Variants in PCSK5 observed in about 807,000 individuals in gnomAD.
PCSK5 encodes proprotein convertase subtilisin/kexin type 5.
PCSK5 carries 129 observed loss-of-function variants against 233.2 expected under a neutral mutation model. The observed-to-expected ratio is 0.55, with a 90% CI of 0.48 to 0.64. The LOEUF (loss-of-function observed/expected upper bound fraction) is 0.64, where lower values mean the gene tolerates loss of function less well. Among genes scored for constraint, PCSK5 ranks in the 30% least tolerant of loss-of-function variants. The pLI, the probability that PCSK5 is intolerant of heterozygous loss-of-function variation, is 0.00. For synonymous variants in PCSK5, 825 were observed against 879.2 expected, an observed-to-expected ratio of 0.94 and a Z score of 1.09; for missense variants, 2,076 against 2,430.1, an observed-to-expected ratio of 0.85 and a Z score of 3.06.
chr9:76,051,111 A>G (rs1829615088), intron 5 of PCSK5, among the ~76,000 whole-genome samples: 2 of 152,214 alleles, frequency 1.3e-5, no homozygotes, highest in Non-Finnish European at 2.9e-5. Flanking sequence ...TTCATCATTT[A>G]TCTGTAGTCC....
At chr9:76,007,808 G>GTGTGTGTA (rs1827545456) in intron 3 of PCSK5, among the ~76,000 whole-genome samples, 1 of 146,544 alleles carries the variant, frequency 6.8e-6, no homozygotes, top group Non-Finnish European at 1.5e-5. Context: ...GTGTGTGTGT[G>GTGTGTGTA]TGTGTGTGTG....
chr9:75,946,562 T>G (rs978197843), intron 2 of PCSK5, among the ~76,000 whole-genome samples: 1 of 151,726 alleles, frequency 6.6e-6, no homozygotes, highest in Non-Finnish European at 1.5e-5. Flanking sequence ...TTCCAAACTT[T>G]CTCCTTCTGC....
intron 20 of PCSK5, chr9:76,193,381 T>C: frequency 6.4e-7 from 1 of 1,572,584 alleles, no homozygotes; most frequent in Non-Finnish European, 8.7e-7. Flanking sequence ...TTTGTTCCTG[T>C]AGACTTATAG....
At chr9:76,037,029 C>T (rs1348155681) in intron 5 of PCSK5, among the ~76,000 whole-genome samples, 1 of 152,184 alleles carries the variant, frequency 6.6e-6, no homozygotes, top group Non-Finnish European at 1.5e-5. Flanking sequence ...GTATGTGTAA[C>T]TTCGAACAAG....
chr9:76,320,618 C>T (rs1165020793), intron 30 of PCSK5, among the ~76,000 whole-genome samples: 5 of 150,248 alleles, frequency 3.3e-5, no homozygotes, highest in African/African-American at 4.9e-5. Context: ...GGACTACAGG[C>T]GCAAGCCATC....
At chr9:76,358,487 C>T (rs2131536530) in intron 37 of PCSK5, 26 bp from the exon 38 acceptor site, 2 of 1,581,166 alleles carry the variant, frequency 1.3e-6, no homozygotes, top group Admixed American at 1.7e-5. Flanking sequence ...CCTCTTGCCT[C>T]TTCCTTTGAG....
At chr9:76,108,166 G>T (rs1832054825) in intron 9 of PCSK5, among the ~76,000 whole-genome samples, 1 of 152,154 alleles carries the variant, frequency 6.6e-6, no homozygotes, top group African/African-American at 2.4e-5. Context: ...CCCCGCTGGA[G>T]ATTTTGTATC....
intron 15 of PCSK5, 73 bp downstream of exon 15, chr9:76,179,771 A>G: frequency 1.9e-6 from 2 of 1,031,520 alleles, no homozygotes; most frequent in Non-Finnish European, 1.5e-6. Context: ...GGCTAATACC[A>G]TGGGGTGTGT....
chr9:75,977,406 TTC>T (rs1364156873), intron 2 of PCSK5, among the ~76,000 whole-genome samples: 1 of 126,708 alleles, frequency 7.9e-6, no homozygotes, highest in East Asian at 2.8e-4. Flanking sequence ...TATTTCCAGG[TTC>T]TTGACCTGTG....
At chr9:76,137,235 C>T (rs1324056925) in intron 10 of PCSK5, among the ~76,000 whole-genome samples, 1 of 152,082 alleles carries the variant, frequency 6.6e-6, no homozygotes, top group Non-Finnish European at 1.5e-5. Flanking sequence ...TGACTCATCT[C>T]TGTTTCTCTG....
At position 76,188,752 on chromosome 9, in the gene PCSK5, C is replaced by T. The variant is rs141221359; in HGVS notation, c.2380+77C>T. 2.1e-4 allele frequency: 209 copies of T among 985,580 alleles called. No homozygotes were observed. The East Asian group carries it at 4.9e-3, about 23-fold the overall frequency. 61.1% of individuals were successfully genotyped at this position (985,580 alleles called of 1,614,324 possible). On this transcript the variant is annotated intron_variant, in intron 18 of 37. Transcript: ENST00000674117. ...TTTCTGGTTTGGGCCATCACTCATG[C>T]AACCCACTTGATACTTTTAAAGTAA...
chr9:76,184,756 A>G lies in PCSK5; in HGVS notation c.2281A>G (p.Ser761Gly). 6.3e-7 allele frequency: 1 copy of G among 1,580,962 alleles called. No homozygotes were observed. Among genetic ancestry groups the G allele is most frequent in the Non-Finnish European group, 8.7e-7 (1 of 1,152,036 alleles). Residue 761 changes from serine to glycine, a missense_variant and splice_region_variant, in exon 17 of 38, where the codon AGC (serine) becomes GGC (glycine). Transcript: ENST00000674117. ...HNCTECRDGL[S>G]LQGSRCSVSC... is the part of the protein sequence containing the mutation. ...CTGTACAGAATGTAGGGATGGGTTA[A>G]GGTAAGAGAGTGAAGGATTTTATCA...
At chr9:76,254,228 G>C (rs889649407) in intron 24 of PCSK5, among the ~76,000 whole-genome samples, 1 of 152,190 alleles carries the variant, frequency 6.6e-6, no homozygotes, top group Non-Finnish European at 1.5e-5. Flanking sequence ...AGAAAAGAGA[G>C]AAAATAATGA....
intron 14 of PCSK5, among the ~76,000 whole-genome samples, chr9:76,178,415 G>A (rs1823710857): frequency 6.6e-6 from 1 of 152,110 alleles, no homozygotes; most frequent in South Asian, 2.1e-4. Flanking sequence ...TAAGTATCAG[G>A]GCCTATGTTG....
chr9:76,155,185 T>C (rs1823837541), intron 10 of PCSK5, among the ~76,000 whole-genome samples: 1 of 152,190 alleles, frequency 6.6e-6, no homozygotes, highest in Admixed American at 6.5e-5. Context: ...GATATTAAAG[T>C]AAGGAGACCT....
rs1442348295 is a variant in PCSK5 at position 76,296,801 on chromosome 9, G to T, written c.3459G>T (p.Leu1153=). The change falls in exon 27 of 38, where the codon CTG becomes CTT. Residue 1153 remains leucine (L), a synonymous_variant. Coordinates refer to ENST00000674117, the MANE Select transcript of PCSK5 (RefSeq NM_001372043.1). ...AGTGCAGCAGCTGCCAGGAAGGACT[G>T]CAGCTGCTGCGTGGGATGTGCGTGC... ...HDECSSCQEG[L]QLLRGMCVHA... 1 of 1,612,420 alleles carries T rather than the reference G, an allele frequency of 6.2e-7. No homozygotes were observed. The highest frequency in any genetic ancestry group is 1.3e-5 in the African/African-American group (1 of 74,908).
intron 27 of PCSK5, among the ~76,000 whole-genome samples, chr9:76,298,668 G>C (rs1249600391): frequency 1.3e-5 from 2 of 151,886 alleles, no homozygotes; most frequent in African/African-American, 4.8e-5. Context: ...ACAGGATCGA[G>C]AGTGTAATAG....
At chr9:75,900,701 AC>A (rs1379518686) in intron 1 of PCSK5, among the ~76,000 whole-genome samples, 4 of 138,794 alleles carry the variant, frequency 2.9e-5, no homozygotes, top group Non-Finnish European at 6.2e-5. Context: ...AAAACAAACA[AC>A]TTTTTTTTTT....
chr9:76,328,963 C>G (rs1003695454), intron 33 of PCSK5, among the ~76,000 whole-genome samples: 1 of 142,404 alleles, frequency 7.0e-6, no homozygotes, highest in East Asian at 2.0e-4. Flanking sequence ...TGGGCACCAT[C>G]GCTCCCGGCT....
Sources: allele counts gnomAD v4.1 joint callset (sites outside exome capture counted in the v4.1 genomes callset), GRCh38; gene constraint gnomAD v4.1.1; transcripts MANE v1.5; gene names NCBI Gene and HGNC (gene_info 2026-07-23, HGNC 2026-07-21).